The following TIGD2 variants were observed in gnomAD, a reference collection of about 807,000 sequenced individuals.
The protein encoded by TIGD2 is tigger transposable element-derived protein 2.
In TIGD2, 14 loss-of-function variants were observed where a neutral mutation model predicts 27.0. The ratio of observed to expected loss-of-function variants is 0.52; its 90% CI spans 0.34 to 0.81. The LOEUF (loss-of-function observed/expected upper bound fraction) is 0.81. Among genes scored for constraint, TIGD2 ranks in the 30% least tolerant of loss-of-function variants. The pLI is 0.01. For missense variants in TIGD2, 590 were observed against 617.3 expected, an observed-to-expected ratio of 0.96 and a Z score of 0.47; for synonymous variants, 201 against 209.0, an observed-to-expected ratio of 0.96 and a Z score of 0.33.
chr4:89,111,260 G>A (rs1318909968), upstream of TIGD2: 2 of 967,838 alleles, frequency 2.1e-6, no homozygotes, highest in Non-Finnish European at 2.5e-6. Context: ...CCCCTAGGGA[G>A]AAAAGAGCCT....
chr4:89,112,786 AG>A lies in TIGD2; in HGVS notation c.-187del. 1 of 549,704 alleles carries A rather than the reference AG, an allele frequency of 1.8e-6. No individual in the cohort carries two copies. The highest frequency in any genetic ancestry group is 3.2e-6 in the Non-Finnish European group (1 of 316,316). 34.1% of individuals were successfully genotyped at this position (549,704 alleles called of 1,614,324 possible). A position where few individuals can be genotyped will look rare whatever the true frequency, so the allele number is the denominator to read the frequency against. ...GTTAATTGGCGCTAGGCTTTGTTGTAGGAAGTTTGTAAGTTTTAAAATAGCA... is the reference window on the plus strand; with the variant it reads ...GTTAATTGGCGCTAGGCTTTGTTGTAGAAGTTTGTAAGTTTTAAAATAGCA... On this transcript the variant is annotated 5_prime_UTR_variant, in exon 2 of 2. Coordinates refer to ENST00000603357, the MANE Select transcript of TIGD2 (RefSeq NM_145715.3).
rs1438897629 is a variant in TIGD2, at chr4:89,113,390, C to T, written c.416C>T (p.Ala139Val). ...FKQRHGIPKA[A>V]GKGTKLKGDE... The stretch of plus-strand genomic sequence containing the variant: ...CAGCGCCATGGTATTCCAAAGGCTG[C>T]TGGTAAAGGAACAAAATTAAAAGGA... The change falls in exon 2 of 2, where the codon GCT becomes GTT. Residue 139 changes from alanine (A) to valine (V), a missense_variant. By Grantham distance (64) the Ala-to-Val change is moderately conservative (BLOSUM62 0). This residue lies in a region of TIGD2 where 451 missense variants were observed against 448.0 expected (regional missense o/e 1.01). Coordinates refer to ENST00000603357, the MANE Select transcript of TIGD2 (RefSeq NM_145715.3). 2.5e-6 allele frequency: 4 copies of T among 1,614,042 alleles called. No homozygotes were observed. Among genetic ancestry groups the T allele is most frequent in the Non-Finnish European group, 3.4e-6 (4 of 1,180,012 alleles).
Position 89,113,488 on chromosome 4 carries a change from C to A in TIGD2, c.514C>A (p.Gln172Lys). Residue 172 changes from glutamine to lysine, a missense_variant, in exon 2 of 2, where the codon CAA (glutamine) becomes AAA (lysine). Gln to Lys is a moderately conservative substitution (Grantham distance 53). Transcript: ENST00000603357. ...TGAAAAAGAGAATCTACAACCAGAG[C>A]AAATTTATGGTGCTGATCAAACTGG... ...FVEKENLQPE[Q>K]IYGADQTGLF... 3.1e-6 allele frequency: 5 copies of A among 1,613,782 alleles called. No individual in the cohort carries two copies. Among genetic ancestry groups the A allele is most frequent in the Non-Finnish European group, 4.2e-6 (5 of 1,179,742 alleles).
In TIGD2 at chr4:89,113,839, C is replaced by T; in HGVS notation, c.865C>T (p.Leu289Phe). 1 of 1,614,174 alleles carries T rather than the reference C, an allele frequency of 6.2e-7. No homozygotes were observed. The highest frequency in any genetic ancestry group is 8.5e-7 in the Non-Finnish European group (1 of 1,180,032). The change falls in exon 2 of 2, where the codon CTT becomes TTT. Residue 289 changes from leucine (L) to phenylalanine (F), a missense_variant. Around this residue, in one of 3 missense-constraint regions of TIGD2, gnomAD observed 451 missense variants for 448.0 expected, o/e 1.01. Coordinates refer to ENST00000603357, the MANE Select transcript of TIGD2 (RefSeq NM_145715.3). ...CAAGGGACTTTTAGAAAAAGCAGTG[C>T]TTCTTTTAGATTTCCCCCCAGCACG... ...KSKGLLEKAV[L>F]LLDFPPARPN...
chr4:89,114,744 T>A lies in TIGD2; in HGVS notation c.*192T>A, dbSNP rs1304485724. The A allele has an allele frequency of 2.3e-5, 13 of 575,364 alleles. No homozygotes were observed. Among genetic ancestry groups the A allele is most frequent in the Non-Finnish European group, 3.3e-5 (11 of 329,070 alleles). 35.6% of individuals were successfully genotyped at this position (575,364 alleles called of 1,614,324 possible). ...TAGTCATTGGGCATTGACGTGTAACTTGTCTTTCTACTGTTTCTAATATCT... is the reference window on the plus strand; with the variant it reads ...TAGTCATTGGGCATTGACGTGTAACATGTCTTTCTACTGTTTCTAATATCT... On this transcript the variant is annotated 3_prime_UTR_variant, in exon 2 of 2. Transcript: ENST00000603357.
At chr4:89,111,272 G>T (rs1721039570), upstream of TIGD2, 5 of 948,114 alleles carry the variant, frequency 5.3e-6, no homozygotes, top group Non-Finnish European at 6.3e-6. Flanking sequence ...AAAGAGCCTC[G>T]TCGGCAGAGC....
Position 89,112,908 on chromosome 4 carries a change from T to A in TIGD2, c.-67T>A. 7.3e-7 allele frequency: 1 copy of A among 1,376,688 alleles called. No homozygotes were observed. Among genetic ancestry groups the A allele is most frequent in the South Asian group, 1.4e-5 (1 of 69,732 alleles). 85.3% of individuals were successfully genotyped at this position (1,376,688 alleles called of 1,614,324 possible). A position where few individuals can be genotyped will look rare whatever the true frequency, so the allele number is the denominator to read the frequency against. Reference sequence around the variant, plus strand: ...TCTTACGAACTCATTTTCTAGTTGCTTTGTATTCAAATCTTAGTTGTTAAT... The same window carrying A: ...TCTTACGAACTCATTTTCTAGTTGCATTGTATTCAAATCTTAGTTGTTAAT... On this transcript the variant is annotated 5_prime_UTR_variant, in exon 2 of 2. Transcript: ENST00000603357.
In TIGD2 at chr4:89,113,558, C is replaced by T. The variant is rs756893733; in HGVS notation, c.584C>T (p.Thr195Ile). Reference protein sequence around the residue: ...CLPSRTLTLETDQSTSGCRSS... With the variant: ...CLPSRTLTLEIDQSTSGCRSS... The stretch of plus-strand genomic sequence containing the variant: ...CCATCAAGGACATTAACTCTTGAAA[C>T]TGACCAAAGTACTTCTGGGTGTAGG... The change falls in exon 2 of 2, where the codon ACT becomes ATT. Residue 195 changes from threonine (T) to isoleucine (I), a missense_variant. Thr to Ile is a moderately conservative substitution (Grantham distance 89). Coordinates refer to ENST00000603357, the MANE Select transcript of TIGD2 (RefSeq NM_145715.3). The T allele has an allele frequency of 1.2e-6, 2 of 1,614,002 alleles. No individual in the cohort carries two copies. Among genetic ancestry groups the T allele is most frequent in the East Asian group, 2.2e-5 (1 of 44,896 alleles).
chr4:89,112,523 C>A lies in TIGD2; in HGVS notation c.-452C>A. The stretch of plus-strand genomic sequence containing the variant: ...TTTCCCATTGTATTTTCCTGTATGT[C>A]AAGTTTGCAAGTCCTCTCTTGACTT... On this transcript the variant is annotated 5_prime_UTR_variant, in exon 2 of 2. It introduces an in-frame stop codon into an upstream open reading frame of the 5' UTR. Coordinates refer to ENST00000603357, the MANE Select transcript of TIGD2 (RefSeq NM_145715.3). 1 of 153,648 alleles carries A rather than the reference C, an allele frequency of 6.5e-6. No homozygotes were observed. The highest frequency in any genetic ancestry group is 1.4e-5 in the Non-Finnish European group (1 of 69,136). The allele number at this position is 153,648 out of a possible 1,614,324, so 9.5% of individuals were successfully genotyped here.
rs572646515 is a variant in TIGD2 at position 89,114,650 on chromosome 4, T to G, written c.*98T>G. 7.9e-7 allele frequency: 1 copy of G among 1,261,268 alleles called. No individual in the cohort carries two copies. The highest frequency in any genetic ancestry group is 1.5e-5 in the African/African-American group (1 of 66,724). The allele number at this position is 1,261,268 out of a possible 1,614,324, so 78.1% of individuals were successfully genotyped here. On this transcript the variant is annotated 3_prime_UTR_variant, in exon 2 of 2. Transcript: ENST00000603357. ...CCTGTGGATTCCAAAGCCAAATACATTTTATAAATGATTTTGGAATTAGAT... is the reference window on the plus strand; with the variant it reads ...CCTGTGGATTCCAAAGCCAAATACAGTTTATAAATGATTTTGGAATTAGAT...
chr4:89,111,355 C>A, upstream of TIGD2: 1 of 398,736 alleles, frequency 2.5e-6, no homozygotes, highest in Non-Finnish European at 3.4e-6. Flanking sequence ...GCACTGCGGC[C>A]CCGAAACGGC....
chr4:89,114,723 C>T lies in TIGD2; in HGVS notation c.*171C>T, dbSNP rs1283814492. 4.7e-6 allele frequency: 3 copies of T among 639,992 alleles called. No individual in the cohort carries two copies. The highest frequency in any genetic ancestry group is 7.9e-6 in the Non-Finnish European group (3 of 378,080). The allele number at this position is 639,992 out of a possible 1,614,324, so 39.6% of individuals were successfully genotyped here. ...ACAACTCTTTAATGTTGACTCTAGTCATTGGGCATTGACGTGTAACTTGTC... is the reference window on the plus strand; with the variant it reads ...ACAACTCTTTAATGTTGACTCTAGTTATTGGGCATTGACGTGTAACTTGTC... On this transcript the variant is annotated 3_prime_UTR_variant, in exon 2 of 2. Transcript: ENST00000603357.
Position 89,113,842 on chromosome 4 carries a change from C to CT in TIGD2, c.872dup (p.Leu291PhefsTer10), listed in dbSNP as rs1721160360. ...GGGACTTTTAGAAAAAGCAGTGCTT[C>CT]TTTTAGATTTCCCCCCAGCACGTCC... On this transcript the variant is annotated frameshift_variant, in exon 2 of 2. Coordinates refer to ENST00000603357, the MANE Select transcript of TIGD2 (RefSeq NM_145715.3). LOFTEE classifies it high-confidence loss of function. The CT allele has an allele frequency of 6.2e-7, 1 of 1,614,050 alleles. No homozygotes were observed. Among genetic ancestry groups the CT allele is most frequent in the African/African-American group, 1.3e-5 (1 of 74,924 alleles).
chr4:89,113,556 A>C lies in TIGD2; in HGVS notation c.582A>C (p.Glu194Asp), dbSNP rs1481947228. ...KCLPSRTLTL[E>D]TDQSTSGCRS... The stretch of plus-strand genomic sequence containing the variant: ...TACCATCAAGGACATTAACTCTTGA[A>C]ACTGACCAAAGTACTTCTGGGTGTA... Residue 194 changes from glutamate to aspartate, a missense_variant, in exon 2 of 2, where the codon GAA becomes GAC. This residue lies in a region of TIGD2 where 451 missense variants were observed against 448.0 expected (regional missense o/e 1.01). Transcript: ENST00000603357. The C allele has an allele frequency of 6.2e-7, 1 of 1,614,032 alleles. No homozygotes were observed. The highest frequency in any genetic ancestry group is 2.2e-5 in the East Asian group (1 of 44,898).
chr4:89,112,787 G>T lies in TIGD2; in HGVS notation c.-188G>T. 1.8e-6 allele frequency: 1 copy of T among 551,880 alleles called. No individual in the cohort carries two copies. Among genetic ancestry groups the T allele is most frequent in the Non-Finnish European group, 3.1e-6 (1 of 317,856 alleles). The allele number at this position is 551,880 out of a possible 1,614,324, so 34.2% of individuals were successfully genotyped here. A position where few individuals can be genotyped will look rare whatever the true frequency, so the allele number is the denominator to read the frequency against. On this transcript the variant is annotated 5_prime_UTR_variant, in exon 2 of 2. It adds an upstream start codon to the 5' untranslated region. Coordinates refer to ENST00000603357, the MANE Select transcript of TIGD2 (RefSeq NM_145715.3). ...TTAATTGGCGCTAGGCTTTGTTGTAGGAAGTTTGTAAGTTTTAAAATAGCA... is the reference window on the plus strand; with the variant it reads ...TTAATTGGCGCTAGGCTTTGTTGTATGAAGTTTGTAAGTTTTAAAATAGCA...
At chr4:89,111,283 C>G (rs1580025395), upstream of TIGD2, 1 of 924,282 alleles carries the variant, frequency 1.1e-6, no homozygotes, top group Non-Finnish European at 1.3e-6. Context: ...TCGGCAGAGC[C>G]GGGCCACTGG....
Position 89,114,414 on chromosome 4 carries a change from G to T in TIGD2, c.1440G>T (p.Ala480=). The part of the protein sequence containing the change: ...LNPEKHISHK[A]ALEWTENLLD... ...CAGAGAAGCATATTAGCCATAAAGC[G>T]GCACTTGAATGGACTGAAAATTTAC... Residue 480 remains alanine (A), a synonymous_variant, in exon 2 of 2, where the codon GCG becomes GCT. Transcript: ENST00000603357. 6.2e-7 allele frequency: 1 copy of T among 1,614,070 alleles called. No individual in the cohort carries two copies.
chr4:89,114,772 T>C lies in TIGD2; in HGVS notation c.*220T>C. The C allele has an allele frequency of 2.1e-6, 1 of 478,950 alleles. No homozygotes were observed. The highest frequency in any genetic ancestry group is 3.8e-6 in the Non-Finnish European group (1 of 266,486). The allele number at this position is 478,950 out of a possible 1,614,324, so 29.7% of individuals were successfully genotyped here. The stretch of plus-strand genomic sequence containing the variant: ...TCTTTCTACTGTTTCTAATATCTAT[T>C]AATTAGATCATAAGGTACCTGAGGC... On this transcript the variant is annotated 3_prime_UTR_variant, in exon 2 of 2. Transcript: ENST00000603357.
Position 89,113,713 on chromosome 4 carries a change from G to A in TIGD2, c.739G>A (p.Val247Met), listed in dbSNP as rs1350147988. 1 of 1,614,084 alleles carries A rather than the reference G, an allele frequency of 6.2e-7. No homozygotes were observed. The highest frequency in any genetic ancestry group is 8.5e-7 in the Non-Finnish European group (1 of 1,180,048). Residue 247 changes from valine (V) to methionine (M), a missense_variant, in exon 2 of 2, where the codon GTG (valine) becomes ATG (methionine). This residue lies in a region of TIGD2 where 451 missense variants were observed against 448.0 expected (regional missense o/e 1.01). Coordinates refer to ENST00000603357, the MANE Select transcript of TIGD2 (RefSeq NM_145715.3). ...FKGTDLSNLP[V>M]TYYSQKGAWI... ...AGGCACTGACCTTTCAAACCTTCCT[G>A]TGACATATTACAGTCAAAAAGGTGC...
Sources: gnomAD v4.1 joint callset for allele counts on GRCh38, gnomAD v4.1.1 for gene constraint, gnomAD v4.1.1 regional missense constraint, MANE v1.5 for transcripts, NCBI Gene and HGNC (gene_info 2026-07-23, HGNC 2026-07-21) for gene names.